IRAG2: variants seen among roughly 807,000 people sequenced by gnomAD.
IRAG2 encodes the protein inositol 1,4,5-triphosphate receptor associated 2.
IRAG2 carries 45 observed loss-of-function variants against 69.9 expected under a neutral mutation model. That is an observed-to-expected ratio of 0.64 (90% CI 0.51 to 0.83). IRAG2 has a LOEUF of 0.83. Ranked by LOEUF, IRAG2 falls within the 40% of genes least tolerant of loss-of-function variation. The pLI is 0.00. For missense variants in IRAG2, 520 were observed against 587.0 expected, an observed-to-expected ratio of 0.89 and a Z score of 1.18; for synonymous variants, 193 against 202.4, an observed-to-expected ratio of 0.95 and a Z score of 0.40.
intron 17 of IRAG2, 200 bp downstream of exon 17, chr12:25,102,441 A>T (rs564464307): frequency 1.0e-4 from 57 of 562,340 alleles, no homozygotes; most frequent in African/African-American, 8.7e-4. Flanking sequence ...GCATGAAGAA[A>T]GTCAGTACAA....
chr12:25,088,185 G>A (rs1444152036), intron 11 of IRAG2, 28 bp downstream of exon 11: 1 of 1,572,902 alleles, frequency 6.4e-7, no homozygotes, highest in Non-Finnish European at 8.8e-7. Flanking sequence ...CAATCCCCAT[G>A]TGAACTTTTG....
intron 1 of IRAG2, among the ~76,000 whole-genome samples, chr12:25,056,541 T>C (rs915279607): frequency 1.7e-4 from 26 of 152,252 alleles, no homozygotes; most frequent in African/African-American, 6.3e-4. Flanking sequence ...TGAGCTTCAG[T>C]ATCCTCTTTG....
chr12:25,107,104 G>A (rs1949216348), intron 21 of IRAG2, 54 bp downstream of exon 21: 8 of 970,716 alleles, frequency 8.2e-6, no homozygotes, highest in Non-Finnish European at 1.3e-5. Context: ...GAAAGGGTGA[G>A]GCAGGGCTGA....
rs1417144537 is a variant in IRAG2 at position 25,052,782 on chromosome 12, A to G, written c.-621A>G. Reference sequence around the variant, plus strand: ...ACACTGCTACAATCCAGCACTAACTATCCATGTCCAGGGTAAGGATCGAGA... The same window carrying G: ...ACACTGCTACAATCCAGCACTAACTGTCCATGTCCAGGGTAAGGATCGAGA... On this transcript the variant is annotated 5_prime_UTR_variant, in exon 1 of 22. Transcript: ENST00000556887. 2 of 398,474 alleles carry G rather than the reference A, an allele frequency of 5.0e-6. No homozygotes were observed. The highest frequency in any genetic ancestry group is 4.4e-5 in the Admixed American group (1 of 22,716). The allele number at this position is 398,474 out of a possible 1,614,324, so 24.7% of individuals were successfully genotyped here.
At chr12:25,070,493 A>G (rs1946270542) in intron 6 of IRAG2, among the ~76,000 whole-genome samples, 2 of 152,232 alleles carry the variant, frequency 1.3e-5, no homozygotes, top group Non-Finnish European at 2.9e-5. Flanking sequence ...TGGCTCAATA[A>G]TATTCCACTG....
intron 2 of IRAG2, chr12:25,006,220 A>G (rs914996191): frequency 2.0e-5 from 3 of 152,204 alleles, no homozygotes; most frequent in Admixed American, 1.3e-4. Context: ...TAAAAAGTCA[A>G]AAACCAACAG....
chr12:25,025,037 G>A (rs1201833600), intron 8 of IRAG2, among the ~76,000 whole-genome samples: 1 of 152,182 alleles, frequency 6.6e-6, no homozygotes, highest in Non-Finnish European at 1.5e-5. Flanking sequence ...CATCACAATG[G>A]TTTGGGTAGT....
chr12:25,092,394 C>G (rs1948122948), intron 14 of IRAG2, among the ~76,000 whole-genome samples: 1 of 121,450 alleles, frequency 8.2e-6, no homozygotes, highest in Non-Finnish European at 1.8e-5. Context: ...GAGTGAAACT[C>G]CATCTCAAAA....
At chr12:25,041,955 CTGTGTGTGTGTG>C (rs59225610) in intron 16 of IRAG2, among the ~76,000 whole-genome samples, 2,909 of 148,422 alleles carry the variant, frequency 0.02, 54 homozygotes, top group African/African-American at 0.054. Flanking sequence ...TTTGTTTCAG[CTGTGTGTGTGTG>C]TGTGTGTGTG....
chr12:25,035,663 C>G (rs1944697151), exon 14 of IRAG2: 1 of 398,814 alleles, frequency 2.5e-6, no homozygotes, highest in Non-Finnish European at 4.4e-6. Flanking sequence ...AACACTGAAA[C>G]AGAAAGGCAG....
Position 25,107,956 on chromosome 12 carries a change from T to G in IRAG2, c.1396T>G (p.Ser466Ala), listed in dbSNP as rs369331176. Residue 466 changes from serine (S) to alanine (A), a missense_variant, in exon 22 of 22, where the codon TCT (serine) becomes GCT (alanine). Physicochemically the swap from Ser to Ala is moderately conservative, Grantham distance 99. Transcript: ENST00000556887. ...CCTCACAGGCCAATTATTCCAGAAG[T>G]CTGTGGATGCCGCTCCCACACAGCA... ...SFLTGQLFQK[S>A]VDAAPTQQED... The G allele has an allele frequency of 6.2e-7, 1 of 1,614,032 alleles. No homozygotes were observed. The highest frequency in any genetic ancestry group is 1.3e-5 in the African/African-American group (1 of 74,912).
upstream of IRAG2, among the ~76,000 whole-genome samples, chr12:25,003,897 G>A (rs1486915446): frequency 6.6e-6 from 1 of 152,178 alleles, no homozygotes; most frequent in African/African-American, 2.4e-5. Flanking sequence ...ATTGTCACCT[G>A]CCCTATTATA....
intron 2 of IRAG2, chr12:25,006,372 G>A (rs1223349080): frequency 6.6e-6 from 1 of 152,190 alleles, no homozygotes; most frequent in Non-Finnish European, 1.5e-5. Context: ...TGTCCACTGG[G>A]TATGTACCCA....
At chr12:25,001,007 A>G (rs904132218), upstream of IRAG2, among the ~76,000 whole-genome samples, 1 of 152,260 alleles carries the variant, frequency 6.6e-6, no homozygotes, top group African/African-American at 2.4e-5. Context: ...CAAGCTGCAT[A>G]TGGAGAAGAT....
intron 1 of IRAG2, among the ~76,000 whole-genome samples, chr12:25,059,802 A>G (rs938786629): frequency 6.6e-6 from 1 of 152,212 alleles, no homozygotes; most frequent in African/African-American, 2.4e-5. Flanking sequence ...AAGTCCTATA[A>G]AATAAAAAAT....
chr12:25,097,224 T>A (rs1279583518), intron 15 of IRAG2, among the ~76,000 whole-genome samples, 180 bp downstream of exon 15: 1 of 107,682 alleles, frequency 9.3e-6, no homozygotes, highest in Non-Finnish European at 1.8e-5. Context: ...ATAAAAAATG[T>A]TAAAAAAATA....
intron 16 of IRAG2, among the ~76,000 whole-genome samples, chr12:25,044,928 C>T (rs1017311483): frequency 4.6e-5 from 7 of 152,112 alleles, no homozygotes; most frequent in African/African-American, 1.7e-4. Context: ...TAACACAGAA[C>T]ATTCTGCCCA....
chr12:25,042,646 T>C (rs1944759674), intron 16 of IRAG2, among the ~76,000 whole-genome samples: 1 of 152,086 alleles, frequency 6.6e-6, no homozygotes, highest in East Asian at 1.9e-4. Context: ...TTTGTACTTG[T>C]AGTGGAGATG....
At chr12:25,019,218 T>C (rs1368803885) in intron 6 of IRAG2, among the ~76,000 whole-genome samples, 1 of 152,204 alleles carries the variant, frequency 6.6e-6, no homozygotes, top group African/African-American at 2.4e-5. Flanking sequence ...AGCAATACTC[T>C]TTTAGCATTT....
Sources: allele counts gnomAD v4.1 joint callset (sites outside exome capture counted in the v4.1 genomes callset), GRCh38; gene constraint gnomAD v4.1.1; transcripts MANE v1.5; gene names NCBI Gene and HGNC (gene_info 2026-07-23, HGNC 2026-07-21).